Variants in TPST1 observed in about 807,000 individuals in gnomAD.
TPST1 encodes the protein tyrosylprotein sulfotransferase 1.
A neutral mutation model predicts 34.8 loss-of-function variants in TPST1; 20 were observed. The observed-to-expected ratio is 0.57, with a 90% confidence interval of 0.40 to 0.84. TPST1 has a LOEUF of 0.84. TPST1 is among the 40% of genes least tolerant of loss of function. The pLI, the probability that TPST1 is intolerant of heterozygous loss-of-function variation, is 0.00. For synonymous variants in TPST1, 152 were observed against 159.4 expected (o/e 0.95, Z 0.35); for missense variants, 353 against 455.5 (o/e 0.78, Z 2.05).
At position 66,328,902 on chromosome 7, in the gene TPST1, ATATATTTTT is replaced by A. The variant is rs1202134300; in HGVS notation, c.1045-23601_1045-23593del. On this transcript the variant is annotated intron_variant, in intron 3 of 5. Coordinates refer to ENST00000304842, the MANE Select transcript of TPST1 (RefSeq NM_003596.4). ...TCTCTCTCTCTATATATATATATAT[ATATATTTTT>A]TTTTTTTTTTTTTTTTTTGAGACAG... Among the ~76,000 whole-genome samples the A allele has an allele frequency of 5.8e-3, 223 of 38,578 alleles. 5 individuals carry two copies. The highest frequency in any genetic ancestry group is 0.033 in the East Asian group (55 of 1,684). 25.3% of individuals were successfully genotyped at this position (38,578 alleles called of 152,430 possible).
At chr7:66,320,233 T>TTTTTTC (rs1433625772) in intron 3 of TPST1, among the ~76,000 whole-genome samples, 2 of 151,422 alleles carry the variant, frequency 1.3e-5, no homozygotes, top group Non-Finnish European at 2.9e-5. Context: ...CTTTCTTTCT[T>TTTTTTC]TTTTTCTTTT....
intron 3 of TPST1, among the ~76,000 whole-genome samples, chr7:66,349,573 AAAC>A (rs374373195): frequency 0.021 from 3,167 of 152,036 alleles, 58 homozygotes; most frequent in South Asian, 0.072. Context: ...CTCCGTCTCA[AAAC>A]AACAACAACA....
intron 3 of TPST1, among the ~76,000 whole-genome samples, chr7:66,328,894 A>C (rs1428473211): frequency 5.9e-4 from 23 of 39,208 alleles, no homozygotes; most frequent in African/African-American, 1.5e-3. Flanking sequence ...CTCTATATAT[A>C]TATATATATA....
At chr7:66,348,949 A>G (rs1264281407) in intron 3 of TPST1, among the ~76,000 whole-genome samples, 1 of 151,436 alleles carries the variant, frequency 6.6e-6, no homozygotes, top group Non-Finnish European at 1.5e-5. Flanking sequence ...TTTCTTCTTC[A>G]TATAAGCCTT....
At chr7:66,278,100 CAAAAA>C (rs35654351) in intron 2 of TPST1, among the ~76,000 whole-genome samples, 9 of 50,258 alleles carry the variant, frequency 1.8e-4, no homozygotes, top group Admixed American at 1.0e-3. Flanking sequence ...GACTCCATCT[CAAAAA>C]AAAAAAAAAA....
intron 3 of TPST1, among the ~76,000 whole-genome samples, chr7:66,344,975 C>T (rs1276408552): frequency 1.8e-4 from 26 of 145,456 alleles, no homozygotes; most frequent in East Asian, 6.3e-4. Flanking sequence ...CCGCCCGCCT[C>T]GGCCTCCCAA....
rs147713096 is a variant in TPST1, at chr7:66,286,586, G to T, written c.921G>T (p.Pro307=). 49 of 1,610,054 alleles carry T rather than the reference G, an allele frequency of 3.0e-5. No individual in the cohort carries two copies. The highest frequency in any genetic ancestry group is 3.6e-5 in the Non-Finnish European group (42 of 1,177,728). The change falls in exon 3 of 6, where the codon CCG becomes CCT. Residue 307 remains proline (P), a synonymous_variant. Transcript: ENST00000304842. Reference sequence around the variant, plus strand: ...TATCAAAATGGGTTGGGAAGATACCGCCAGATGTTTTACAAGACATGGCAG... The same window carrying T: ...TATCAAAATGGGTTGGGAAGATACCTCCAGATGTTTTACAAGACATGGCAG... ...GALSKWVGKI[P]PDVLQDMAVI...
intron 1 of TPST1, among the ~76,000 whole-genome samples, chr7:66,239,247 C>T (rs1789976313): frequency 6.6e-6 from 1 of 152,206 alleles, no homozygotes; most frequent in African/African-American, 2.4e-5. Context: ...TCCCAAAGAG[C>T]TGTGATTACA....
Position 66,310,803 on chromosome 7 carries a change from GTATTTATT to G in TPST1, c.1044+24122_1044+24129del, listed in dbSNP as rs56696715. On this transcript the variant is annotated intron_variant, in intron 3 of 5. Coordinates refer to ENST00000304842, the MANE Select transcript of TPST1 (RefSeq NM_003596.4). ...TATTTCTTGTGCCTAAATTTGAAGAGTATTTATTTATTTATTTATTTATTTATTTATTT... is the reference window on the plus strand; with the variant it reads ...TATTTCTTGTGCCTAAATTTGAAGAGTATTTATTTATTTATTTATTTATTT... Among the ~76,000 whole-genome samples, 1,164 of 147,148 alleles carry G rather than the reference GTATTTATT, an allele frequency of 7.9e-3. 17 individuals carry two copies. Among genetic ancestry groups the G allele is most frequent in the African/African-American group, 0.026 (1,027 of 39,860 alleles).
rs1562810890 is a variant in TPST1 at position 66,241,286 on chromosome 7, G to GT, written c.845+22dup. 6.3e-7 allele frequency: 1 copy of GT among 1,579,674 alleles called. No individual in the cohort carries two copies. Among genetic ancestry groups the GT allele is most frequent in the Non-Finnish European group, 8.6e-7 (1 of 1,165,462 alleles). Reference sequence around the variant, plus strand: ...CTCTGTCAAAGTGAGTAGAAGATACGTTTTTTATTTTGACTCTATATTTAG... The same window carrying GT: ...CTCTGTCAAAGTGAGTAGAAGATACGTTTTTTTATTTTGACTCTATATTTAG... On this transcript the variant is annotated intron_variant, in intron 2 of 5. Coordinates refer to ENST00000304842, the MANE Select transcript of TPST1 (RefSeq NM_003596.4).
At chr7:66,234,432 G>GACACAC (rs34418019) in intron 1 of TPST1, among the ~76,000 whole-genome samples, 1 of 33,374 alleles carries the variant, frequency 3.0e-5, no homozygotes, top group Non-Finnish European at 6.6e-5. Flanking sequence ...CACACACACA[G>GACACAC]ACACACACAC....
At chr7:66,246,063 T>G (rs889006525) in intron 2 of TPST1, among the ~76,000 whole-genome samples, 3 of 151,544 alleles carry the variant, frequency 2.0e-5, no homozygotes, top group Non-Finnish European at 2.9e-5. Context: ...CAGGCTGGAG[T>G]ATAGTGGCAA....
rs527849857 is a variant in TPST1 at position 66,337,459 on chromosome 7, C to T, written c.1045-15046C>T. Among the ~76,000 whole-genome samples, 3 of 152,026 alleles carry T rather than the reference C, an allele frequency of 2.0e-5. No individual in the cohort carries two copies. In the South Asian group the frequency reaches 6.2e-4, roughly 32 times the overall value. On this transcript the variant is annotated intron_variant, in intron 3 of 5. Coordinates refer to ENST00000304842, the MANE Select transcript of TPST1 (RefSeq NM_003596.4). ...GAGTAACTGGGATTACAGATATGTG[C>T]CAACACACCTGGCTTATTTTTGTAT... is the stretch of plus-strand genomic sequence containing the variant.
intron 3 of TPST1, among the ~76,000 whole-genome samples, chr7:66,305,953 C>T (rs972705355): frequency 6.6e-6 from 1 of 152,212 alleles, no homozygotes; most frequent in African/African-American, 2.4e-5. Flanking sequence ...GATAACTTTT[C>T]TATTCCTCAT....
chr7:66,222,856 T>G (rs1789572665), intron 1 of TPST1, among the ~76,000 whole-genome samples: 1 of 152,200 alleles, frequency 6.6e-6, no homozygotes, highest in Non-Finnish European at 1.5e-5. Flanking sequence ...GCCCCAGCAG[T>G]GCTGTGAGAG....
chr7:66,345,489 C>CAAAAAAAAAAA (rs58837242), intron 3 of TPST1, among the ~76,000 whole-genome samples: 13 of 64,856 alleles, frequency 2.0e-4, no homozygotes, highest in East Asian at 4.9e-4. Flanking sequence ...ACTCCATCTC[C>CAAAAAAAAAAA]AAAAAAAAAA....
intron 3 of TPST1, among the ~76,000 whole-genome samples, chr7:66,313,124 T>C (rs1323484889): frequency 6.6e-6 from 1 of 150,992 alleles, no homozygotes; most frequent in African/African-American, 2.4e-5. Flanking sequence ...GAAACAAAAA[T>C]GATGCTGGTA....
chr7:66,246,568 C>T (rs1387151534), intron 2 of TPST1, among the ~76,000 whole-genome samples: 1 of 152,104 alleles, frequency 6.6e-6, no homozygotes, highest in African/African-American at 2.4e-5. Context: ...CAATTGGTAG[C>T]AAAAATTAGA....
intron 2 of TPST1, among the ~76,000 whole-genome samples, chr7:66,278,485 A>T (rs1282848009): frequency 6.6e-6 from 1 of 152,054 alleles, no homozygotes; most frequent in East Asian, 1.9e-4. Flanking sequence ...AGCATGAGGT[A>T]AAAAAAGAAA....
Sources: allele counts gnomAD v4.1 joint callset (sites outside exome capture counted in the v4.1 genomes callset), GRCh38; gene constraint gnomAD v4.1.1; transcripts MANE v1.5; gene names NCBI Gene and HGNC (gene_info 2026-07-23, HGNC 2026-07-21).